USP34: variants seen among roughly 807,000 people sequenced by gnomAD.
USP34 encodes the protein ubiquitin specific peptidase 34.
In USP34, 70 loss-of-function variants were observed where a neutral mutation model predicts 460.3. The ratio of observed to expected loss-of-function variants is 0.15; its 90% CI spans 0.13 to 0.19. The LOEUF is 0.19. Ranked by LOEUF, USP34 falls within the 10% of genes least tolerant of loss-of-function variation. USP34 has a pLI of 1.00. For missense variants in USP34, 3,985 were observed against 4,236.2 expected (o/e 0.94, Z 1.65); for synonymous variants, 1,647 against 1,405.3 (o/e 1.17, Z -3.85).
chr2:61,340,537 A>C (rs1484609307), intron 16 of USP34, among the ~76,000 whole-genome samples: 2 of 152,220 alleles, frequency 1.3e-5, no homozygotes, highest in African/African-American at 4.8e-5. Context: ...TGAGAGCATC[A>C]GTCCCTTTCT....
chr2:61,350,678 G>T lies in USP34; in HGVS notation c.1267C>A (p.Arg423=). The change falls in exon 11 of 80, where the codon CGG becomes AGG. Residue 423 remains arginine, a synonymous_variant. Transcript: ENST00000398571. ...GAAGGAAATAAGTCATGTATATACC[G>T]ACTACAATGTTTCAACTAGAAAATC... The part of the protein sequence containing the change: ...WAAAQLKHCS[R]YIHDLFPSLI... 1 of 1,609,182 alleles carries T rather than the reference G, an allele frequency of 6.2e-7. No individual in the cohort carries two copies. The highest frequency in any genetic ancestry group is 1.1e-5 in the South Asian group (1 of 89,480).
At chr2:61,402,563 G>A (rs374071208) in intron 3 of USP34, among the ~76,000 whole-genome samples, 3 of 152,120 alleles carry the variant, frequency 2.0e-5, no homozygotes, top group Admixed American at 6.6e-5. Context: ...TAGGCCAGTT[G>A]CTTCTTCTAT....
At chr2:61,354,051 T>G (rs1159860936) in intron 10 of USP34, among the ~76,000 whole-genome samples, 1 of 152,206 alleles carries the variant, frequency 6.6e-6, no homozygotes, top group Non-Finnish European at 1.5e-5. Flanking sequence ...CACATTCATT[T>G]TGGAAATCCC....
At position 61,314,937 on chromosome 2, in the gene USP34, C is replaced by T. The variant is rs1220692477; in HGVS notation, c.3320G>A (p.Arg1107Lys). Residue 1107 changes from arginine to lysine, a missense_variant, in exon 24 of 80, where the codon AGA (arginine) becomes AAA (lysine). Arg to Lys is a conservative substitution (Grantham distance 26, BLOSUM62 2). This residue lies in a region of USP34 where 1,114 missense variants were observed against 1,122.5 expected (regional missense o/e 0.99). Coordinates refer to ENST00000398571, the MANE Select transcript of USP34 (RefSeq NM_014709.4). ...GMDQFWGIAL[R>K]AQSGDVSRAA... Reference sequence around the variant, plus strand: ...TCGACTGACATCACCAGATTGTGCTCTTAAAGCAATGCCCCAAAATTGGTC... The same window carrying T: ...TCGACTGACATCACCAGATTGTGCTTTTAAAGCAATGCCCCAAAATTGGTC... 3.1e-6 allele frequency: 5 copies of T among 1,613,756 alleles called. No individual in the cohort carries two copies. The highest frequency in any genetic ancestry group is 1.3e-5 in the African/African-American group (1 of 75,016).
intron 70 of USP34, 140 bp downstream of exon 70, chr2:61,208,759 T>C (rs887850611): frequency 2.3e-6 from 1 of 428,388 alleles, no homozygotes; most frequent in African/African-American, 2.0e-5. Context: ...GGATATAAAT[T>C]CAGGTTTACT....
chr2:61,320,748 G>A (rs971269247), intron 21 of USP34, among the ~76,000 whole-genome samples: 4 of 152,218 alleles, frequency 2.6e-5, no homozygotes, highest in South Asian at 2.1e-4. Flanking sequence ...GGTGGCTCAC[G>A]CCTGTAATCC....
intron 27 of USP34, among the ~76,000 whole-genome samples, chr2:61,303,339 T>C (rs1352943451): frequency 6.6e-6 from 1 of 152,136 alleles, no homozygotes; most frequent in Non-Finnish European, 1.5e-5. Flanking sequence ...GTGCTGGGAT[T>C]ACAGCCATGA....
Position 61,459,633 on chromosome 2 carries a change from C to T in USP34, c.43+11017G>A, listed in dbSNP as rs770415618. The stretch of plus-strand genomic sequence containing the variant: ...CTACTAAAAATACAAAAGAATTAGC[C>T]GAGCGTGGTGGCAGGCACCTGTAAT... On this transcript the variant is annotated intron_variant, in intron 1 of 79. Coordinates refer to ENST00000398571, the MANE Select transcript of USP34 (RefSeq NM_014709.4). Among the ~76,000 whole-genome samples, 19 of 151,694 alleles carry T rather than the reference C, an allele frequency of 1.3e-4. 1 individual carries two copies. Among genetic ancestry groups the T allele is most frequent in the Admixed American group, 6.6e-4 (10 of 15,192 alleles).
chr2:61,307,120 G>T (rs998755937), intron 27 of USP34, among the ~76,000 whole-genome samples: 35 of 152,074 alleles, frequency 2.3e-4, no homozygotes, highest in African/African-American at 6.0e-4. Flanking sequence ...ATACACCATG[G>T]AATACTATGC....
chr2:61,470,794 G>T lies in USP34; in HGVS notation c.-102C>A. 1 of 964,820 alleles carries T rather than the reference G, an allele frequency of 1.0e-6. No individual in the cohort carries two copies. The highest frequency in any genetic ancestry group is 1.5e-6 in the Non-Finnish European group (1 of 651,390). 59.8% of individuals were successfully genotyped at this position (964,820 alleles called of 1,614,324 possible). On this transcript the variant is annotated 5_prime_UTR_variant, in exon 1 of 80. Coordinates refer to ENST00000398571, the MANE Select transcript of USP34 (RefSeq NM_014709.4). The stretch of plus-strand genomic sequence containing the variant: ...AGGCGGAGGAGGGGGCCGGCCGGCC[G>T]GCGGGGCGGGGAGGCGACTAGGGCG...
intron 3 of USP34, among the ~76,000 whole-genome samples, chr2:61,400,397 C>A (rs985978357): frequency 6.6e-6 from 1 of 152,016 alleles, no homozygotes; most frequent in Admixed American, 6.6e-5. Flanking sequence ...GTGTGAGCCA[C>A]CGCGCCCGGC....
intron 5 of USP34, among the ~76,000 whole-genome samples, chr2:61,391,080 C>T (rs750580975): frequency 6.6e-6 from 1 of 151,028 alleles, no homozygotes; most frequent in Non-Finnish European, 1.5e-5. Context: ...GGTGACAGAG[C>T]GAGACTCCAG....
intron 63 of USP34, 30 bp downstream of exon 63, chr2:61,223,218 C>A: frequency 6.2e-7 from 1 of 1,613,508 alleles, no homozygotes; most frequent in South Asian, 1.1e-5. Context: ...TTGTGATGAT[C>A]AAATTGTCTA....
chr2:61,218,167 T>C lies in USP34; in HGVS notation c.8047+2143A>G, dbSNP rs77314385. On this transcript the variant is annotated intron_variant, in intron 67 of 79. Transcript: ENST00000398571. ...ACCTTTTTGGGGGTTCAGCATAGTT[T>C]TTTTTTTTTGTTGGTTTTACGGTCA... is the stretch of plus-strand genomic sequence containing the variant. 3.0e-3 allele frequency among the ~76,000 whole-genome samples: 452 copies of C among 151,280 alleles called. 11 individuals are homozygous for C. In the East Asian group the frequency reaches 0.042, roughly 14 times the overall value.
At chr2:61,354,536 G>C (rs1389946328) in intron 10 of USP34, among the ~76,000 whole-genome samples, 1 of 152,190 alleles carries the variant, frequency 6.6e-6, no homozygotes, top group Non-Finnish European at 1.5e-5. Flanking sequence ...AATGGGAGAA[G>C]GGGACACAAG....
intron 5 of USP34, among the ~76,000 whole-genome samples, chr2:61,394,622 A>C (rs778550037): frequency 1.3e-4 from 20 of 152,054 alleles, no homozygotes; most frequent in South Asian, 6.2e-4. Context: ...AAAATAGATA[A>C]TTATAGATAG....
chr2:61,196,027 C>T (rs1686793646), intron 75 of USP34, among the ~76,000 whole-genome samples: 1 of 145,310 alleles, frequency 6.9e-6, no homozygotes, highest in South Asian at 2.1e-4. Context: ...CCAGCTCAGT[C>T]TCCTGAGTAG....
At chr2:61,263,486 C>CT (rs762461093) in intron 43 of USP34, among the ~76,000 whole-genome samples, 6,111 of 137,520 alleles carry the variant, frequency 0.044, 281 homozygotes, top group African/African-American at 0.11. Context: ...TGGCCAAAGG[C>CT]TTTTTTTTTT....
intron 34 of USP34, 80 bp downstream of exon 34, chr2:61,288,597 A>G: frequency 6.9e-7 from 1 of 1,442,556 alleles, no homozygotes; most frequent in Non-Finnish European, 9.6e-7. Flanking sequence ...TCTAGAATAC[A>G]TTTCTTAAGC....
Sources: allele counts gnomAD v4.1 joint callset (sites outside exome capture counted in the v4.1 genomes callset), GRCh38; gene constraint gnomAD v4.1.1; regional missense constraint gnomAD v4.1.1; transcripts MANE v1.5; gene names NCBI Gene and HGNC (gene_info 2026-07-23, HGNC 2026-07-21).